Variants in ANKRD30B observed in about 807,000 individuals in gnomAD.
ANKRD30B encodes the protein ankyrin repeat domain-containing protein 30B.
In ANKRD30B, 144 loss-of-function variants were observed where a neutral mutation model predicts 202.2. The ratio of observed to expected loss-of-function variants is 0.71; its 90% CI spans 0.62 to 0.82. The LOEUF (loss-of-function observed/expected upper bound fraction) is 0.82. ANKRD30B is among the 40% of genes least tolerant of loss of function. The probability of loss-of-function intolerance (pLI) is 0.00; values close to 1 mark genes in which losing one functional copy is unlikely to be tolerated. For missense variants in ANKRD30B, 1,487 were observed against 1,669.1 expected (o/e 0.89, Z 1.90); for synonymous variants, 508 against 561.3 (o/e 0.91, Z 1.34).
At chr18:14,938,063 C>T in the ANKRD30B span, among the ~76,000 whole-genome samples, 2 of 152,154 alleles carry the variant, frequency 1.3e-5, no homozygotes, top group Non-Finnish European at 2.9e-5. Context: ...AGGTATGAAA[C>T]TGACGAGATG....
At chr18:14,776,767 A>G (rs1178274692) in intron 9 of ANKRD30B, among the ~76,000 whole-genome samples, 4 of 152,144 alleles carry the variant, frequency 2.6e-5, no homozygotes, top group Non-Finnish European at 5.9e-5. Flanking sequence ...TTATCTAATG[A>G]TTGTTTGCTT....
At position 14,797,601 on chromosome 18, in the gene ANKRD30B, C is replaced by T. The variant is rs549326976; in HGVS notation, c.1928-60C>T. Reference sequence around the variant, plus strand: ...CATCTTCATATTCACACTGTATGAACGTTTGGTAGGCTTTGTCAGGCTTGC... The same window carrying T: ...CATCTTCATATTCACACTGTATGAATGTTTGGTAGGCTTTGTCAGGCTTGC... On this transcript the variant is annotated intron_variant, in intron 18 of 43. Coordinates refer to ENST00000690538, the MANE Select transcript of ANKRD30B (RefSeq NM_001367607.2). 1.1e-4 allele frequency: 160 copies of T among 1,506,626 alleles called. 1 individual carries two copies. The highest frequency in any genetic ancestry group is 6.5e-4 in the South Asian group (58 of 88,774). 93.3% of individuals were successfully genotyped at this position (1,506,626 alleles called of 1,614,324 possible).
intron 1 of ANKRD30B, among the ~76,000 whole-genome samples, chr18:14,750,304 A>T (rs1913224363): frequency 6.6e-6 from 1 of 152,176 alleles, no homozygotes; most frequent in South Asian, 2.1e-4. Flanking sequence ...GATCTAAAAA[A>T]GTACTTGGCC....
In ANKRD30B at chr18:14,854,660, T is replaced by C. The variant is rs1972017928; in HGVS notation, c.*502T>C. Among the ~76,000 whole-genome samples, 1 of 152,200 alleles carries C rather than the reference T, an allele frequency of 6.6e-6. No homozygotes were observed. Among genetic ancestry groups the C allele is most frequent in the Non-Finnish European group, 1.5e-5 (1 of 68,032 alleles). ...AGACAGGAACACTTTTTTATAATTATAAAAACACAAATTTCCTTGTTTTGT... is the reference window on the plus strand; with the variant it reads ...AGACAGGAACACTTTTTTATAATTACAAAAACACAAATTTCCTTGTTTTGT... On this transcript the variant is annotated 3_prime_UTR_variant, in exon 44 of 44. Transcript: ENST00000690538.
At chr18:14,826,713 A>ACACACACACC (rs1247965551) in intron 32 of ANKRD30B, among the ~76,000 whole-genome samples, 1 of 151,294 alleles carries the variant, frequency 6.6e-6, no homozygotes, top group Non-Finnish European at 1.5e-5. Flanking sequence ...ACACACACAC[A>ACACACACACC]CACACACACA....
intron 34 of ANKRD30B, among the ~76,000 whole-genome samples, chr18:14,834,427 G>A (rs1971086955): frequency 6.6e-6 from 1 of 151,876 alleles, no homozygotes; most frequent in Admixed American, 6.6e-5. Flanking sequence ...ACATGAGAGA[G>A]GATGAGACAG....
chr18:14,839,321 T>A (rs543735186), intron 36 of ANKRD30B, among the ~76,000 whole-genome samples: 2 of 152,310 alleles, frequency 1.3e-5, no homozygotes, highest in South Asian at 4.1e-4. Context: ...TCAGAGTAGA[T>A]CTTTCTGCAA....
intron 1 of ANKRD30B, among the ~76,000 whole-genome samples, chr18:14,750,312 G>A (rs190802830): frequency 2.0e-5 from 3 of 152,132 alleles, no homozygotes; most frequent in Admixed American, 1.3e-4. Context: ...AAAGTACTTG[G>A]CCTCTAATTT....
chr18:14,836,946 A>C (rs1200799374), intron 34 of ANKRD30B, among the ~76,000 whole-genome samples: 1 of 152,054 alleles, frequency 6.6e-6, no homozygotes, highest in Admixed American at 6.6e-5. Context: ...TATTGACTTA[A>C]ATTGTAGAAC....
At chr18:14,841,851 T>TAAAC (rs1971432186) in intron 37 of ANKRD30B, among the ~76,000 whole-genome samples, 1 of 152,190 alleles carries the variant, frequency 6.6e-6, no homozygotes, top group African/African-American at 2.4e-5. Flanking sequence ...AGAATTGGAG[T>TAAAC]AAACCATGGT....
the ANKRD30B span, among the ~76,000 whole-genome samples, chr18:14,878,277 G>A: frequency 8.5e-5 from 13 of 152,142 alleles, no homozygotes; most frequent in African/African-American, 2.9e-4. Flanking sequence ...GACAAAACGC[G>A]GTCTTTGTTA....
At chr18:14,866,818 G>A in the ANKRD30B span, among the ~76,000 whole-genome samples, 3 of 151,988 alleles carry the variant, frequency 2.0e-5, no homozygotes, top group African/African-American at 4.8e-5. Context: ...GCCTAAGGTG[G>A]CAGGCGGTTG....
In ANKRD30B at chr18:14,806,119, T is replaced by C. The variant is rs1274896564; in HGVS notation, c.2284+2295T>C. 2.7e-5 allele frequency among the ~76,000 whole-genome samples: 4 copies of C among 149,140 alleles called. No homozygotes were observed. The South Asian group carries it at 6.5e-4, about 24-fold the overall frequency. ...CCTGTAGTCCCAGCCACTCAGGAGG[T>C]TGAGGCAGGAGAATGGCCTGAACCC... On this transcript the variant is annotated intron_variant, in intron 24 of 43. Coordinates refer to ENST00000690538, the MANE Select transcript of ANKRD30B (RefSeq NM_001367607.2).
At chr18:14,826,693 T>TCACACACACACACACACACACA (rs61497414) in intron 32 of ANKRD30B, among the ~76,000 whole-genome samples, 15 of 125,044 alleles carry the variant, frequency 1.2e-4, no homozygotes, top group African/African-American at 4.1e-4. Flanking sequence ...TCTCTCTCTC[T>TCACACACACACACACACACACA]CACACACACA....
intron 30 of ANKRD30B, among the ~76,000 whole-genome samples, chr18:14,815,599 G>A (rs1240115024): frequency 6.6e-6 from 1 of 152,122 alleles, no homozygotes; most frequent in Admixed American, 6.5e-5. Flanking sequence ...GAAAAGGTTA[G>A]GAGAAAGCGT....
chr18:14,905,210 G>A, the ANKRD30B span, among the ~76,000 whole-genome samples: 1 of 152,276 alleles, frequency 6.6e-6, no homozygotes, highest in Non-Finnish European at 1.5e-5. Context: ...TGGGCAAACA[G>A]CAGCCCTTGA....
At chr18:14,828,198 G>A (rs1042525747) in intron 32 of ANKRD30B, 80 bp from the exon 33 acceptor site, 48 of 1,072,278 alleles carry the variant, frequency 4.5e-5, no homozygotes, top group Non-Finnish European at 5.6e-5. Flanking sequence ...ATGTGCCATC[G>A]TGCCCTCTTA....
chr18:14,865,876 T>C, the ANKRD30B span, among the ~76,000 whole-genome samples: 2 of 152,144 alleles, frequency 1.3e-5, no homozygotes, highest in African/African-American at 2.4e-5. Context: ...GGTGAGCAGA[T>C]ACAGAAGAAC....
intron 36 of ANKRD30B, among the ~76,000 whole-genome samples, chr18:14,839,828 A>T (rs1971338974): frequency 6.6e-6 from 1 of 152,210 alleles, no homozygotes; most frequent in African/African-American, 2.4e-5. Context: ...CCTACTTCGC[A>T]CGACATACTC....
Sources: allele counts gnomAD v4.1 joint callset (sites outside exome capture counted in the v4.1 genomes callset), GRCh38; gene constraint gnomAD v4.1.1; transcripts MANE v1.5; gene names NCBI Gene and HGNC (gene_info 2026-07-23, HGNC 2026-07-21).